The following TASOR variants were observed in gnomAD, a reference collection of about 807,000 sequenced individuals.
TASOR encodes transcription activation suppressor.
In TASOR, 53 loss-of-function variants were observed where a neutral mutation model predicts 178.6. The observed-to-expected ratio is 0.30, with a 90% CI of 0.24 to 0.37. The LOEUF (loss-of-function observed/expected upper bound fraction) is 0.37, where lower values mean the gene tolerates loss of function less well. Among genes scored for constraint, TASOR ranks in the 10% least tolerant of loss-of-function variants. The probability of loss-of-function intolerance (pLI) is 1.00; values close to 1 mark genes in which losing one functional copy is unlikely to be tolerated. For missense variants in TASOR, 1,815 were observed against 1,971.4 expected, an observed-to-expected ratio of 0.92 and a Z score of 1.50; for synonymous variants, 713 against 696.2, an observed-to-expected ratio of 1.02 and a Z score of -0.38.
chr3:56,624,978 T>G lies in TASOR; in HGVS notation c.4168A>C (p.Thr1390Pro). Residue 1390 changes from threonine to proline, a missense_variant, in exon 22 of 24, where the codon ACG (threonine) becomes CCG (proline). By Grantham distance (38) the Thr-to-Pro change is conservative. This residue lies in a region of TASOR where 134 missense variants were observed against 195.2 expected (regional missense o/e 0.69). Coordinates refer to ENST00000683822, the MANE Select transcript of TASOR (RefSeq NM_001365635.2). ...TTCTTCTGATAGACATTCAGAAGCGTCAACAGACTTAGAGCTTTAGCATTC... is the reference window on the plus strand; with the variant it reads ...TTCTTCTGATAGACATTCAGAAGCGGCAACAGACTTAGAGCTTTAGCATTC... Reference protein sequence around the residue: ...RLNAKALSLLTLLNVYQKKHL... With the variant: ...RLNAKALSLLPLLNVYQKKHL... The G allele has an allele frequency of 6.2e-7, 1 of 1,614,122 alleles. No homozygotes were observed.
intron 1 of TASOR, among the ~76,000 whole-genome samples, chr3:56,676,864 A>G (rs557244555): frequency 6.6e-6 from 1 of 152,344 alleles, no homozygotes; most frequent in South Asian, 2.1e-4. Context: ...ACTAAAAATG[A>G]CAGCTGACAG....
intron 11 of TASOR, among the ~76,000 whole-genome samples, chr3:56,659,781 C>T (rs780884906): frequency 2.6e-4 from 40 of 152,290 alleles, no homozygotes; most frequent in Non-Finnish European, 4.1e-4. Flanking sequence ...GCCTGAATGA[C>T]GCTGTATGAC....
At position 56,646,863 on chromosome 3, in the gene TASOR, T is replaced by C; in HGVS notation, c.1874A>G (p.Glu625Gly). ...PICKLKELFE[E>G]NRKLQQFSPL... ...ACTAAACTGCTGAAGTTTTCTATTTTCTTCAAATAGTTCTTTTAATTTACA... is the reference window on the plus strand; with the variant it reads ...ACTAAACTGCTGAAGTTTTCTATTTCCTTCAAATAGTTCTTTTAATTTACA... Residue 625 changes from glutamate (E) to glycine (G), a missense_variant, in exon 14 of 24, where the codon GAA becomes GGA. By Grantham distance (98) the Glu-to-Gly change is moderately conservative (BLOSUM62 -2). This residue lies in a region of TASOR where 504 missense variants were observed against 645.3 expected (regional missense o/e 0.78). Transcript: ENST00000683822. 2 of 1,605,578 alleles carry C rather than the reference T, an allele frequency of 1.2e-6. No homozygotes were observed. Among genetic ancestry groups the C allele is most frequent in the South Asian group, 1.1e-5 (1 of 88,304 alleles).
chr3:56,673,433 C>CAAAAAAAAAAAAAAAAACAAAAA (rs2030945843), intron 2 of TASOR, 147 bp downstream of exon 2: 1 of 184,450 alleles, frequency 5.4e-6, no homozygotes, highest in Non-Finnish European at 8.9e-6. Flanking sequence ...ACTCCGTCTC[C>CAAAAAAAAAAAAAAAAACAAAAA]AAAAAAAAAA....
At chr3:56,682,404 T>C (rs1165959655) in intron 1 of TASOR, among the ~76,000 whole-genome samples, 1 of 152,084 alleles carries the variant, frequency 6.6e-6, no homozygotes, top group Non-Finnish European at 1.5e-5. Flanking sequence ...GAGCACCATC[T>C]TTCCTCTCTG....
At chr3:56,662,254 AAAAC>A (rs2077614225) in intron 9 of TASOR, 127 bp downstream of exon 9, 7 of 624,868 alleles carry the variant, frequency 1.1e-5, no homozygotes, top group Non-Finnish European at 2.0e-5. Context: ...AACCATTTAA[AAAAC>A]AAACCAACAT....
rs766193487 is a variant in TASOR at position 56,624,623 on chromosome 3, A to G, written c.4339T>C (p.Ser1447Pro). ...ACTATTCCATTATCTGTATAACTGG[A>G]AAGCATCTTGATGTTCTTCTCTAAA... ...FLTEKNIKML[S>P]SYTDNGIVVA... The change falls in exon 23 of 24, where the codon TCC becomes CCC. Residue 1447 changes from serine to proline, a missense_variant. Coordinates refer to ENST00000683822, the MANE Select transcript of TASOR (RefSeq NM_001365635.2). 8 of 1,612,462 alleles carry G rather than the reference A, an allele frequency of 5.0e-6. No homozygotes were observed. The highest frequency in any genetic ancestry group is 6.8e-6 in the Non-Finnish European group (8 of 1,179,622).
At chr3:56,628,703 T>G in intron 18 of TASOR, 89 bp from the exon 19 acceptor site, 1 of 818,218 alleles carries the variant, frequency 1.2e-6, no homozygotes, top group Non-Finnish European at 1.9e-6. Context: ...ACTGATAAGC[T>G]TAACTACTAC....
At chr3:56,682,290 A>G (rs1380139433) in intron 1 of TASOR, among the ~76,000 whole-genome samples, 1 of 152,008 alleles carries the variant, frequency 6.6e-6, no homozygotes, top group Admixed American at 6.5e-5. Context: ...AGAAAGCCCC[A>G]GAATCCATGG....
intron 19 of TASOR, 105 bp from the exon 20 acceptor site, chr3:56,627,846 A>C: frequency 3.1e-6 from 3 of 957,924 alleles, no homozygotes; most frequent in East Asian, 2.5e-5. Context: ...ATTATGGCTC[A>C]TCTATATTAG....
chr3:56,662,639 C>A, intron 8 of TASOR, 149 bp from the exon 9 acceptor site: 1 of 502,172 alleles, frequency 2.0e-6, no homozygotes, highest in South Asian at 3.0e-5. Context: ...TTCTACACTT[C>A]TATTTACTAA....
intron 11 of TASOR, among the ~76,000 whole-genome samples, chr3:56,651,658 C>T (rs1483856664): frequency 1.3e-5 from 2 of 151,138 alleles, no homozygotes; most frequent in Non-Finnish European, 2.9e-5. Flanking sequence ...GATTGTGCCA[C>T]GCACTATAGC....
rs1471073809 is a variant in TASOR at position 56,673,669 on chromosome 3, G to C, written c.388C>G (p.Leu130Val). ...GTTGGTTCAAGGTAAGAAGAATGGA[G>C]AATATTTACAACATCTTCAAATTCT... is the stretch of plus-strand genomic sequence containing the variant. ...SREFEDVVNI[L>V]HSSYLEPTSV... The change falls in exon 2 of 24, where the codon CTC (leucine) becomes GTC (valine). Residue 130 changes from leucine (L) to valine (V), a missense_variant. Physicochemically the swap from Leu to Val is conservative, Grantham distance 32. Coordinates refer to ENST00000683822, the MANE Select transcript of TASOR (RefSeq NM_001365635.2). The C allele has an allele frequency of 1.9e-6, 3 of 1,550,794 alleles. No individual in the cohort carries two copies. Among genetic ancestry groups the C allele is most frequent in the Non-Finnish European group, 2.6e-6 (3 of 1,146,680 alleles).
intron 11 of TASOR, among the ~76,000 whole-genome samples, chr3:56,655,182 G>A (rs1367195953): frequency 6.6e-6 from 1 of 152,130 alleles, no homozygotes; most frequent in African/African-American, 2.4e-5. Context: ...CTACTTAATG[G>A]TAAAATGTTA....
chr3:56,623,653 C>T (rs559971311), intron 23 of TASOR, 87 bp from the exon 24 acceptor site: 25 of 1,542,462 alleles, frequency 1.6e-5, no homozygotes, highest in South Asian at 6.5e-5. Flanking sequence ...CACAATATAA[C>T]GCGTCAGGGT....
chr3:56,646,750 T>C lies in TASOR; in HGVS notation c.1987A>G (p.Ile663Val). Residue 663 changes from isoleucine to valine, a missense_variant, in exon 14 of 24, where the codon ATT becomes GTT. Around this residue, in one of 5 missense-constraint regions of TASOR, gnomAD observed 504 missense variants for 645.3 expected, o/e 0.78. Transcript: ENST00000683822. ...GKRNNSRGEA[I>V]ISGKQRSSHS... is the part of the protein sequence containing the mutation. Reference sequence around the variant, plus strand: ...GATGATCTTTGCTTTCCAGATATAATGGCTTCACCTCTTGAGTTATTTCGT... The same window carrying C: ...GATGATCTTTGCTTTCCAGATATAACGGCTTCACCTCTTGAGTTATTTCGT... The C allele has an allele frequency of 6.2e-7, 1 of 1,613,980 alleles. No individual in the cohort carries two copies. The highest frequency in any genetic ancestry group is 8.5e-7 in the Non-Finnish European group (1 of 1,179,940).
intron 11 of TASOR, among the ~76,000 whole-genome samples, chr3:56,649,966 A>C (rs566354769): frequency 6.6e-6 from 1 of 152,356 alleles, no homozygotes; most frequent in East Asian, 1.9e-4. Flanking sequence ...AAAGACCAGA[A>C]GCCAGGCTGG....
chr3:56,648,631 C>CAAAAAAAAAAA (rs56218279), intron 13 of TASOR, among the ~76,000 whole-genome samples, 191 bp downstream of exon 13: 8 of 84,566 alleles, frequency 9.5e-5, no homozygotes, highest in Non-Finnish European at 2.0e-4. Flanking sequence ...AACTCTGTAT[C>CAAAAAAAAAAA]AAAAAAAAAA....
At chr3:56,623,929 A>G in intron 23 of TASOR, 1 of 1,075,908 alleles carries the variant, frequency 9.3e-7, no homozygotes, top group African/African-American at 1.6e-5. Flanking sequence ...TTACTAAACT[A>G]GTTGGTTAGC....
Sources: allele counts gnomAD v4.1 joint callset (sites outside exome capture counted in the v4.1 genomes callset), GRCh38; gene constraint gnomAD v4.1.1; regional missense constraint gnomAD v4.1.1; transcripts MANE v1.5; gene names NCBI Gene and HGNC (gene_info 2026-07-23, HGNC 2026-07-21).